Variants in KLHL26 observed in about 807,000 individuals in gnomAD.
The protein encoded by KLHL26 is kelch-like protein 26.
In KLHL26, 4 loss-of-function variants were observed where a neutral mutation model predicts 7.1. The observed-to-expected ratio is 0.56, with a 90% CI of 0.28 to 1.28. The LOEUF is 1.28. Ranked by LOEUF, KLHL26 falls within the 50% of genes most tolerant of loss-of-function variation. The probability of loss-of-function intolerance (pLI) is 0.11; values close to 1 mark genes in which losing one functional copy is unlikely to be tolerated. For missense variants in KLHL26, 896 were observed against 924.6 expected, an observed-to-expected ratio of 0.97 and a Z score of 0.40; for synonymous variants, 465 against 414.1, an observed-to-expected ratio of 1.12 and a Z score of -1.49.
rs949831718 is a variant in KLHL26 at position 18,645,408 on chromosome 19, C to T, written c.83+8271C>T. On this transcript the variant is annotated intron_variant, in intron 1 of 2. Coordinates refer to ENST00000300976, the MANE Select transcript of KLHL26 (RefSeq NM_018316.3). ...TTTGGCATCCACGCTTTTTGGCCCA[C>T]GCTCCCTGGAGACGCCTGGGTAGGG... 2.0e-5 allele frequency among the ~76,000 whole-genome samples: 3 copies of T among 152,110 alleles called. No homozygotes were observed. In the East Asian group the frequency reaches 5.8e-4, roughly 29 times the overall value.
At position 18,668,147 on chromosome 19, in the gene KLHL26, C is replaced by T; in HGVS notation, c.750C>T (p.His250=). ...RRPRASHVLC[H]IRFPLMQSSE... is the part of the protein sequence containing the mutation. ...CGCGCGCCAGCCACGTGCTCTGCCACATTCGCTTCCCGCTCATGCAGTCGT... is the reference window on the plus strand; with the variant it reads ...CGCGCGCCAGCCACGTGCTCTGCCATATTCGCTTCCCGCTCATGCAGTCGT... Residue 250 remains histidine, a synonymous_variant, in exon 3 of 3, where the codon CAC becomes CAT. Transcript: ENST00000300976. 2.5e-6 allele frequency: 4 copies of T among 1,606,956 alleles called. No individual in the cohort carries two copies. The highest frequency in any genetic ancestry group is 3.4e-6 in the Non-Finnish European group (4 of 1,179,282).
At chr19:18,661,065 C>T (rs1330103722) in intron 1 of KLHL26, among the ~76,000 whole-genome samples, 2 of 152,170 alleles carry the variant, frequency 1.3e-5, no homozygotes, top group African/African-American at 2.4e-5. Context: ...CAGGGCTCTG[C>T]GTTTGCTCAT....
Position 18,668,103 on chromosome 19 carries a change from C to G in KLHL26, c.706C>G (p.His236Asp). The change falls in exon 3 of 3, where the codon CAT becomes GAT. Residue 236 changes from histidine (H) to aspartate (D), a missense_variant. Transcript: ENST00000300976. Reference sequence around the variant, plus strand: ...CCGCGCGGCCGTCCGCTGGCTGCAGCATGACCCGGCCCGGCGGCCGCGCGC... The same window carrying G: ...CCGCGCGGCCGTCCGCTGGCTGCAGGATGACCCGGCCCGGCGGCCGCGCGC... Reference protein sequence around the residue: ...LFRAAVRWLQHDPARRPRASH... With the variant: ...LFRAAVRWLQDDPARRPRASH... 3.7e-6 allele frequency: 6 copies of G among 1,603,458 alleles called. No individual in the cohort carries two copies. Among genetic ancestry groups the G allele is most frequent in the Non-Finnish European group, 5.1e-6 (6 of 1,179,276 alleles).
In KLHL26 at chr19:18,664,416, TC is replaced by T; in HGVS notation, c.241del (p.Leu81TrpfsTer26). On this transcript the variant is annotated frameshift_variant, in exon 2 of 3. Coordinates refer to ENST00000300976, the MANE Select transcript of KLHL26 (RefSeq NM_018316.3). LOFTEE classifies it low-confidence loss of function (END_TRUNC). The part of the protein sequence containing the change: ...NREAFPAHKV[V>X]LAACSDYFRA... ...GAGGCCTTTCCTGCACACAAGGTCG[TC>T]CTGGCTGCCTGCAGCGACTACTTCA... 5.0e-6 allele frequency: 8 copies of T among 1,594,588 alleles called. No individual in the cohort carries two copies. The highest frequency in any genetic ancestry group is 6.8e-6 in the Non-Finnish European group (8 of 1,170,694).
intron 1 of KLHL26, among the ~76,000 whole-genome samples, chr19:18,658,465 G>A (rs1156620791): frequency 6.6e-6 from 1 of 151,684 alleles, no homozygotes; most frequent in East Asian, 1.9e-4. Flanking sequence ...CTCTCTCCCT[G>A]TATTTCTCTC....
rs1350618570 is a variant in KLHL26, at chr19:18,664,540, G to A, written c.266+97G>A. Reference sequence around the variant, plus strand: ...CTTTCTAAAGGGGGCCTGTCTCAGCGCTACCCAGGGACAGCTTCGAGGGAG... The same window carrying A: ...CTTTCTAAAGGGGGCCTGTCTCAGCACTACCCAGGGACAGCTTCGAGGGAG... On this transcript the variant is annotated intron_variant, in intron 2 of 2. Transcript: ENST00000300976. The A allele has an allele frequency of 6.1e-6, 6 of 984,278 alleles. No homozygotes were observed. The East Asian group carries it at 7.7e-5, about 13-fold the overall frequency. 61.0% of individuals were successfully genotyped at this position (984,278 alleles called of 1,614,324 possible).
rs547049669 is a variant in KLHL26 at position 18,648,536 on chromosome 19, G to T, written c.83+11399G>T. On this transcript the variant is annotated intron_variant, in intron 1 of 2. Coordinates refer to ENST00000300976, the MANE Select transcript of KLHL26 (RefSeq NM_018316.3). The surrounding 1 kb of genome is among the most constrained non-coding windows in gnomAD (Gnocchi z 4.9). Reference sequence around the variant, plus strand: ...GAAGGTCAGGGTTGTCCTTGGTCCCGCGCGGCTGCACTGCCTGCAACAAGC... The same window carrying T: ...GAAGGTCAGGGTTGTCCTTGGTCCCTCGCGGCTGCACTGCCTGCAACAAGC... Among the ~76,000 whole-genome samples, 3 of 152,150 alleles carry T rather than the reference G, an allele frequency of 2.0e-5. No homozygotes were observed. Among genetic ancestry groups the T allele is most frequent in the Admixed American group, 6.5e-5 (1 of 15,278 alleles).
rs1440350780 is a variant in KLHL26, at chr19:18,667,688, G to A, written c.291G>A (p.Arg97=). Reference sequence around the variant, plus strand: ...GGGCCATGTTCACCGGCGGCATGCGGGAGGCAAGCCAGGACGTCATCGAGC... The same window carrying A: ...GGGCCATGTTCACCGGCGGCATGCGAGAGGCAAGCCAGGACGTCATCGAGC... The part of the protein sequence containing the change: ...YFRAMFTGGM[R]EASQDVIELK... The change falls in exon 3 of 3, where the codon CGG becomes CGA. Residue 97 remains arginine (R), a synonymous_variant. Transcript: ENST00000300976. The A allele has an allele frequency of 6.2e-7, 1 of 1,611,978 alleles. No individual in the cohort carries two copies. Among genetic ancestry groups the A allele is most frequent in the Non-Finnish European group, 8.5e-7 (1 of 1,179,310 alleles).
In KLHL26 at chr19:18,656,107, T is replaced by A. The variant is rs1297176161; in HGVS notation, c.84-8154T>A. Among the ~76,000 whole-genome samples the A allele has an allele frequency of 6.6e-6, 1 of 152,144 alleles. No individual in the cohort carries two copies. Among genetic ancestry groups the A allele is most frequent in the Non-Finnish European group, 1.5e-5 (1 of 68,022 alleles). ...CCACTGCACCTCTAACCCCCTGTTT[T>A]CTGGAAGGTTTGAGCAAGGCTCAGG... On this transcript the variant is annotated intron_variant, in intron 1 of 2. Transcript: ENST00000300976. The surrounding 1 kb of genome is among the most constrained non-coding windows in gnomAD (Gnocchi z 4.4).
Position 18,667,997 on chromosome 19 carries a change from T to G in KLHL26, c.600T>G (p.Asp200Glu). Residue 200 changes from aspartate (D) to glutamate (E), a missense_variant, in exon 3 of 3, where the codon GAT becomes GAG. Transcript: ENST00000300976. ...TCCTGCAGATCGCCGAGGAGGAGGATTTCCTGCGCCTGCCACTGGAGCGCC... is the reference window on the plus strand; with the variant it reads ...TCCTGCAGATCGCCGAGGAGGAGGAGTTCCTGCGCCTGCCACTGGAGCGCC... ...RHFLQIAEEEDFLRLPLERLV... is the reference protein window; with the variant it reads ...RHFLQIAEEEEFLRLPLERLV... 1 of 1,608,400 alleles carries G rather than the reference T, an allele frequency of 6.2e-7. No homozygotes were observed. Among genetic ancestry groups the G allele is most frequent in the Non-Finnish European group, 8.5e-7 (1 of 1,179,950 alleles).
In KLHL26 at chr19:18,649,494, T is replaced by TA. The variant is rs1976863474; in HGVS notation, c.83+12358dup. The stretch of plus-strand genomic sequence containing the variant: ...CATGTTGTCAGTAAACCAGCCCTGT[T>TA]ACCTGTTACAGAGCCCAGGGCACCA... On this transcript the variant is annotated intron_variant, in intron 1 of 2. Coordinates refer to ENST00000300976, the MANE Select transcript of KLHL26 (RefSeq NM_018316.3). The surrounding 1 kb of genome is among the most constrained non-coding windows in gnomAD (Gnocchi z 4.0). Among the ~76,000 whole-genome samples the TA allele has an allele frequency of 6.6e-6, 1 of 152,234 alleles. No individual in the cohort carries two copies. Among genetic ancestry groups the TA allele is most frequent in the Non-Finnish European group, 1.5e-5 (1 of 68,040 alleles).
At chr19:18,664,487 G>T (rs536806566) in intron 2 of KLHL26, 44 bp downstream of exon 2, 241 of 1,477,444 alleles carry the variant, frequency 1.6e-4, no homozygotes, top group Non-Finnish European at 2.1e-4. Flanking sequence ...GCTGCCTGTT[G>T]GGACAGGGAC....
chr19:18,666,733 G>T (rs550062519), intron 2 of KLHL26, among the ~76,000 whole-genome samples: 1 of 152,328 alleles, frequency 6.6e-6, no homozygotes, highest in Admixed American at 6.5e-5. Flanking sequence ...CCTGGTGGGG[G>T]CTCCATTCCT....
In KLHL26 at chr19:18,646,861, G is replaced by A. The variant is rs1976811038; in HGVS notation, c.83+9724G>A. ...CATGACTTGGGCCGTAAGAGGGACA[G>A]CAGCAGGGGCAGCGAGAGAGTAGAG... On this transcript the variant is annotated intron_variant, in intron 1 of 2. Transcript: ENST00000300976. The surrounding 1 kb of genome is among the most constrained non-coding windows in gnomAD (Gnocchi z 5.0). Among the ~76,000 whole-genome samples, 1 of 152,226 alleles carries A rather than the reference G, an allele frequency of 6.6e-6. No individual in the cohort carries two copies. The highest frequency in any genetic ancestry group is 1.5e-5 in the Non-Finnish European group (1 of 68,034).
intron 1 of KLHL26, among the ~76,000 whole-genome samples, chr19:18,647,467 G>C (rs1445454688): frequency 6.6e-6 from 1 of 152,088 alleles, no homozygotes; most frequent in Non-Finnish European, 1.5e-5. Flanking sequence ...ATTTGTGTGT[G>C]TGTGTGTGTC....
intron 1 of KLHL26, among the ~76,000 whole-genome samples, chr19:18,652,474 C>CA (rs2052271003): frequency 6.6e-6 from 1 of 151,900 alleles, no homozygotes; most frequent in Non-Finnish European, 1.5e-5. Flanking sequence ...CCTATAGTCC[C>CA]AGCTACTCAG....
intron 1 of KLHL26, among the ~76,000 whole-genome samples, chr19:18,655,432 C>A (rs926155207): frequency 6.6e-6 from 1 of 152,226 alleles, no homozygotes; most frequent in African/African-American, 2.4e-5. Context: ...CTGAGGAAGG[C>A]CTCCTTTGGC....
At position 18,668,725 on chromosome 19, in the gene KLHL26, C is replaced by T. The variant is rs1197260212; in HGVS notation, c.1328C>T (p.Ala443Val). 1 of 1,579,508 alleles carries T rather than the reference C, an allele frequency of 6.3e-7. No individual in the cohort carries two copies. Among genetic ancestry groups the T allele is most frequent in the Non-Finnish European group, 8.6e-7 (1 of 1,169,148 alleles). The stretch of plus-strand genomic sequence containing the variant: ...CCCCGGCGCAATGAGTGGGGCTACG[C>T]CTGCTCGCTGAAGCGCCGTACCTGG... The part of the protein sequence containing the change: ...YCPRRNEWGY[A>V]CSLKRRTWGH... Residue 443 changes from alanine to valine, a missense_variant, in exon 3 of 3, where the codon GCC becomes GTC. By Grantham distance (64) the Ala-to-Val change is moderately conservative (BLOSUM62 0). Transcript: ENST00000300976.
At chr19:18,647,280 G>A (rs373743776) in intron 1 of KLHL26, among the ~76,000 whole-genome samples, 23 of 152,298 alleles carry the variant, frequency 1.5e-4, no homozygotes, top group African/African-American at 5.1e-4. Context: ...CGTAGTTACC[G>A]GGGAAGAAAG....
Sources: gnomAD v4.1 joint callset for allele counts (sites outside exome capture counted in the v4.1 genomes callset) on GRCh38, gnomAD v4.1.1 for gene constraint, Gnocchi (gnomAD v3.1) non-coding constraint, MANE v1.5 for transcripts, NCBI Gene and HGNC (gene_info 2026-07-23, HGNC 2026-07-21) for gene names.